Variants in CNNM2 observed in about 807,000 individuals in gnomAD.
CNNM2 encodes metal transporter CNNM2.
Under a neutral mutation model 66.9 loss-of-function variants are expected in CNNM2, and 12 were observed. The ratio of observed to expected loss-of-function variants is 0.18; its 90% confidence interval spans 0.11 to 0.29. CNNM2 has a LOEUF of 0.29. Ranked by LOEUF, CNNM2 falls within the 10% of genes least tolerant of loss-of-function variation. CNNM2 has a pLI of 1.00. For missense variants in CNNM2, 705 were observed against 1,167.7 expected (o/e 0.60, Z 5.77); for synonymous variants, 557 against 501.8 (o/e 1.11, Z -1.47).
intron 1 of CNNM2, among the ~76,000 whole-genome samples, chr10:103,008,393 T>C (rs1461016274): frequency 6.6e-6 from 1 of 152,240 alleles, no homozygotes; most frequent in Admixed American, 6.5e-5. Context: ...ATGGCATGTG[T>C]TGTATACTTG....
rs2066331416 is a variant in CNNM2 at position 103,090,099 on chromosome 10, A to G, written c.*12919A>G. On this transcript the variant is annotated 3_prime_UTR_variant, in exon 8 of 8. Transcript: ENST00000369878. ...TCTTCCTCTCTCCCTGCCCCTCAAA[A>G]TGGTGCCCATATTGTCTACTGCAGC... 1 of 469,976 alleles carries G rather than the reference A, an allele frequency of 2.1e-6. No individual in the cohort carries two copies. The highest frequency in any genetic ancestry group is 3.7e-6 in the Non-Finnish European group (1 of 269,884). The allele number at this position is 469,976 out of a possible 1,614,324, so 29.1% of individuals were successfully genotyped here.
intron 1 of CNNM2, among the ~76,000 whole-genome samples, chr10:103,001,364 G>A (rs2064119311): frequency 6.6e-6 from 1 of 152,074 alleles, no homozygotes; most frequent in Non-Finnish European, 1.5e-5. Flanking sequence ...ACAAAAAATT[G>A]GGGGAAAAAA....
chr10:103,076,132 C>T lies in CNNM2; in HGVS notation c.2280C>T (p.Asp760=), dbSNP rs768785745. ...GCCCATGTGGCTTGAATCACTCAGA[C>T]TCTCTCAGTCGAAGCGACCGGATTG... is the stretch of plus-strand genomic sequence containing the variant. ...PPRPCGLNHS[D]SLSRSDRIDA... Residue 760 remains aspartate, a synonymous_variant, in exon 7 of 8, where the codon GAC becomes GAT. Transcript: ENST00000369878. The T allele has an allele frequency of 4.3e-6, 7 of 1,611,638 alleles. No individual in the cohort carries two copies. The highest frequency in any genetic ancestry group is 5.9e-6 in the Non-Finnish European group (7 of 1,179,020).
At chr10:102,927,098 C>T (rs1845895520) in intron 1 of CNNM2, among the ~76,000 whole-genome samples, 1 of 151,282 alleles carries the variant, frequency 6.6e-6, no homozygotes, top group Non-Finnish European at 1.5e-5. Context: ...CTTTTAAGAG[C>T]AAACCTGTAG....
rs1208095144 is a variant in CNNM2, at chr10:102,918,654, C to T, written c.174C>T (p.Cys58=). 1.9e-6 allele frequency: 3 copies of T among 1,548,376 alleles called. No individual in the cohort carries two copies. Among genetic ancestry groups the T allele is most frequent in the Non-Finnish European group, 1.7e-6 (2 of 1,146,852 alleles). ...CGCTGCTCCTGCTGAGCTGCTGCTG[C>T]GGTGCGGGCGGCTGCGCAGCGGTGG... The part of the protein sequence containing the change: ...LLPLLLLSCC[C]GAGGCAAVGE... Residue 58 remains cysteine, a synonymous_variant, in exon 1 of 8, where the codon TGC becomes TGT. Transcript: ENST00000369878. The surrounding 1 kb of genome is among the most constrained non-coding windows in gnomAD (Gnocchi z 4.1).
chr10:103,084,756 G>GT lies in CNNM2; in HGVS notation c.*7581dup, dbSNP rs2065787722. ...CACAAAAATTGTGCTCCCTAGAGCC[G>GT]TTTTTCAACTCGGCACTTCTGAGGA... is the stretch of plus-strand genomic sequence containing the variant. On this transcript the variant is annotated 3_prime_UTR_variant, in exon 8 of 8. Coordinates refer to ENST00000369878, the MANE Select transcript of CNNM2 (RefSeq NM_017649.5). The GT allele has an allele frequency of 1.3e-5, 2 of 152,154 alleles. No homozygotes were observed. Among genetic ancestry groups the GT allele is most frequent in the African/African-American group, 4.8e-5 (2 of 41,430 alleles). The allele number at this position is 152,154 out of a possible 1,614,324, so 9.4% of individuals were successfully genotyped here. A position where few individuals can be genotyped will look rare whatever the true frequency, so the allele number is the denominator to read the frequency against.
At chr10:103,045,676 C>A (rs1382648930) in intron 1 of CNNM2, among the ~76,000 whole-genome samples, 3 of 149,152 alleles carry the variant, frequency 2.0e-5, no homozygotes, top group Non-Finnish European at 4.4e-5. Flanking sequence ...CCAGATAATG[C>A]CTACTTTGGC....
chr10:102,967,768 G>A (rs545898220), intron 1 of CNNM2, among the ~76,000 whole-genome samples: 1 of 152,204 alleles, frequency 6.6e-6, no homozygotes. Flanking sequence ...CAGCACTTTG[G>A]GGGGCCGAGG....
intron 1 of CNNM2, among the ~76,000 whole-genome samples, chr10:103,036,617 G>T (rs1056043848): frequency 6.6e-6 from 1 of 152,116 alleles, no homozygotes; most frequent in East Asian, 1.9e-4. Flanking sequence ...TCCAAAAACC[G>T]TTTCTCTCTT....
chr10:102,954,449 T>A (rs1017305129), intron 1 of CNNM2, among the ~76,000 whole-genome samples: 6 of 152,164 alleles, frequency 3.9e-5, no homozygotes, highest in Admixed American at 1.3e-4. Context: ...TTTAATAAAA[T>A]TTTTAAAGGC....
At position 102,918,681 on chromosome 10, in the gene CNNM2, C is replaced by T; in HGVS notation, c.201C>T (p.Gly67=). 1 of 1,553,632 alleles carries T rather than the reference C, an allele frequency of 6.4e-7. No homozygotes were observed. Among genetic ancestry groups the T allele is most frequent in the Non-Finnish European group, 8.7e-7 (1 of 1,149,196 alleles). The change falls in exon 1 of 8, where the codon GGC becomes GGT. Residue 67 remains glycine, a synonymous_variant. Transcript: ENST00000369878. This position sits in a 1 kb window ranked among gnomAD's most constrained non-coding sequence, Gnocchi z 4.1. The stretch of plus-strand genomic sequence containing the variant: ...GTGCGGGCGGCTGCGCAGCGGTGGG[C>T]GAGAATGAGGAGACGGTGATCATCG... ...CCGAGGCAAV[G]ENEETVIIGL... is the part of the protein sequence containing the mutation.
intron 1 of CNNM2, among the ~76,000 whole-genome samples, chr10:103,001,159 A>C (rs1590374932): frequency 6.6e-6 from 1 of 152,160 alleles, no homozygotes. Flanking sequence ...AGAAAGTATT[A>C]GGGTGGTTGT....
At chr10:102,962,301 C>G (rs1554892573) in intron 1 of CNNM2, among the ~76,000 whole-genome samples, 2 of 152,092 alleles carry the variant, frequency 1.3e-5, no homozygotes, top group Non-Finnish European at 2.9e-5. Flanking sequence ...CCTGCACATC[C>G]TGCACATATA....
intron 6 of CNNM2, among the ~76,000 whole-genome samples, chr10:103,073,223 G>A (rs1590508259): frequency 1.3e-5 from 2 of 152,218 alleles, no homozygotes. Flanking sequence ...GCAGTGGGGC[G>A]AGAGGAAGCA....
chr10:102,939,616 T>TC (rs1319916245), intron 1 of CNNM2, among the ~76,000 whole-genome samples: 9 of 152,208 alleles, frequency 5.9e-5, no homozygotes, highest in African/African-American at 2.2e-4. Flanking sequence ...CCTTCCATGT[T>TC]CTTTTTCCAT....
At chr10:102,941,533 AC>A (rs1846434790) in intron 1 of CNNM2, among the ~76,000 whole-genome samples, 1 of 152,148 alleles carries the variant, frequency 6.6e-6, no homozygotes, top group Non-Finnish European at 1.5e-5. Flanking sequence ...AGCTACAGTG[AC>A]CTCTGGCTGT....
chr10:103,089,115 G>A lies in CNNM2; in HGVS notation c.*11935G>A. 4.4e-6 allele frequency: 1 copy of A among 227,554 alleles called. No homozygotes were observed. The highest frequency in any genetic ancestry group is 8.7e-6 in the Non-Finnish European group (1 of 114,516). 14.1% of individuals were successfully genotyped at this position (227,554 alleles called of 1,614,324 possible). The stretch of plus-strand genomic sequence containing the variant: ...TAGAGCATACTTCTGTGCAAAGCCA[G>A]TGATAGAGAAGCAGCCTTGCCAGAG... On this transcript the variant is annotated 3_prime_UTR_variant, in exon 8 of 8. Coordinates refer to ENST00000369878, the MANE Select transcript of CNNM2 (RefSeq NM_017649.5).
At chr10:103,041,948 T>A (rs1213951098) in intron 1 of CNNM2, among the ~76,000 whole-genome samples, 1 of 152,222 alleles carries the variant, frequency 6.6e-6, no homozygotes, top group Non-Finnish European at 1.5e-5. Context: ...CTACCATCTG[T>A]ACTTGCTCAG....
At chr10:103,062,826 C>T (rs1370044577) in intron 4 of CNNM2, among the ~76,000 whole-genome samples, 1 of 152,226 alleles carries the variant, frequency 6.6e-6, no homozygotes, top group Non-Finnish European at 1.5e-5. Context: ...GAATTACTTC[C>T]CTGTTAAATC....
Sources: gnomAD v4.1 joint callset for allele counts (sites outside exome capture counted in the v4.1 genomes callset) on GRCh38, gnomAD v4.1.1 for gene constraint, Gnocchi (gnomAD v3.1) non-coding constraint, MANE v1.5 for transcripts, NCBI Gene and HGNC (gene_info 2026-07-23, HGNC 2026-07-21) for gene names.